The following PARD3 variants were observed in gnomAD, a reference collection of about 807,000 sequenced individuals.
PARD3 encodes the protein partitioning defective 3 homolog.
In PARD3, 75 loss-of-function variants were observed where a neutral mutation model predicts 155.4. The observed-to-expected ratio is 0.48, with a 90% confidence interval of 0.40 to 0.58. The LOEUF is 0.58. Ranked by LOEUF, PARD3 falls within the 20% of genes least tolerant of loss-of-function variation. The pLI is 0.00. For synonymous variants in PARD3, 576 were observed against 610.5 expected (o/e 0.94, Z 0.83); for missense variants, 1,642 against 1,721.7 (o/e 0.95, Z 0.82).
chr10:34,381,117 A>T (rs1188818829), intron 9 of PARD3, among the ~76,000 whole-genome samples: 1 of 152,210 alleles, frequency 6.6e-6, no homozygotes, highest in Non-Finnish European at 1.5e-5. Flanking sequence ...AGGTTCACAT[A>T]AAGTTCACTG....
intron 2 of PARD3, among the ~76,000 whole-genome samples, chr10:34,531,035 T>C (rs1469154057): frequency 1.3e-5 from 2 of 152,330 alleles, no homozygotes; most frequent in South Asian, 2.1e-4. Context: ...GGCCTTTATG[T>C]TGTGCAATCA....
At chr10:34,458,308 T>G (rs757077436) in intron 4 of PARD3, among the ~76,000 whole-genome samples, 18 of 152,118 alleles carry the variant, frequency 1.2e-4, no homozygotes, top group Admixed American at 4.6e-4. Flanking sequence ...GCTCAAGTGA[T>G]CCTCCCACCT....
At chr10:34,144,198 A>C (rs1171263530) in intron 22 of PARD3, among the ~76,000 whole-genome samples, 1 of 151,018 alleles carries the variant, frequency 6.6e-6, no homozygotes, top group East Asian at 1.9e-4. Flanking sequence ...TGTCAATTAC[A>C]TTTTTTTTTC....
chr10:34,773,180 T>C (rs891130007), intron 1 of PARD3, among the ~76,000 whole-genome samples: 10 of 152,206 alleles, frequency 6.6e-5, no homozygotes, highest in Non-Finnish European at 4.4e-5. Flanking sequence ...AAAGAGAAAA[T>C]ACATCTATAA....
At position 34,326,688 on chromosome 10, in the gene PARD3, A is replaced by C. The variant is rs895788145; in HGVS notation, c.2833+4429T>G. The stretch of plus-strand genomic sequence containing the variant: ...TTCATAGCTAATAAAACAATAACAA[A>C]ATTCCCCTAGAAGCTCTCATATTAG... On this transcript the variant is annotated intron_variant, in intron 19 of 24. Coordinates refer to ENST00000374788, the MANE Select transcript of PARD3 (RefSeq NM_001184785.2). 5.9e-5 allele frequency among the ~76,000 whole-genome samples: 9 copies of C among 152,338 alleles called. No individual in the cohort carries two copies. The South Asian group carries it at 1.4e-3, about 25-fold the overall frequency.
chr10:34,718,779 A>G (rs1053618464), intron 1 of PARD3, among the ~76,000 whole-genome samples: 3 of 152,180 alleles, frequency 2.0e-5, no homozygotes, highest in East Asian at 1.9e-4. Flanking sequence ...CCTGACCAAC[A>G]TGGTGAAACC....
chr10:34,362,387 A>AT (rs1839534521), intron 12 of PARD3, among the ~76,000 whole-genome samples: 1 of 152,238 alleles, frequency 6.6e-6, no homozygotes, highest in Admixed American at 6.5e-5. Context: ...AAAAGATCAA[A>AT]TATATCAAAT....
At chr10:34,530,815 A>G (rs2082794894) in intron 2 of PARD3, among the ~76,000 whole-genome samples, 2 of 152,204 alleles carry the variant, frequency 1.3e-5, no homozygotes, top group African/African-American at 2.4e-5. Context: ...TACTGTGTGT[A>G]ATGAGCCTTA....
intron 22 of PARD3, among the ~76,000 whole-genome samples, chr10:34,254,173 C>A (rs186267700): frequency 4.4e-4 from 67 of 152,120 alleles, no homozygotes; most frequent in African/African-American, 1.3e-3. Flanking sequence ...CAAGATCAGG[C>A]GTTCGAGACC....
chr10:34,318,487 A>G (rs1281133138), intron 19 of PARD3, among the ~76,000 whole-genome samples: 1 of 152,214 alleles, frequency 6.6e-6, no homozygotes, highest in Non-Finnish European at 1.5e-5. Context: ...ACTTTTGCAA[A>G]GAACTGACCT....
rs190427432 is a variant in PARD3, at chr10:34,684,005, G to C, written c.222+12313C>G. Among the ~76,000 whole-genome samples, 5 of 152,262 alleles carry C rather than the reference G, an allele frequency of 3.3e-5. No homozygotes were observed. The East Asian group carries it at 7.7e-4, about 24-fold the overall frequency. ...ACTCTAAAATAAGCTCACTTAGGAGGAAATGAATAAAGTCATCTAGTTAAT... is the reference window on the plus strand; with the variant it reads ...ACTCTAAAATAAGCTCACTTAGGAGCAAATGAATAAAGTCATCTAGTTAAT... On this transcript the variant is annotated intron_variant, in intron 2 of 24. Coordinates refer to ENST00000374788, the MANE Select transcript of PARD3 (RefSeq NM_001184785.2).
chr10:34,596,197 T>C (rs999238751), intron 2 of PARD3, among the ~76,000 whole-genome samples: 4 of 152,004 alleles, frequency 2.6e-5, no homozygotes, highest in Admixed American at 2.6e-4. Flanking sequence ...TTGGGAGCAC[T>C]CAAGTTTGTA....
chr10:34,326,172 A>C (rs1157355643), intron 19 of PARD3, among the ~76,000 whole-genome samples: 1 of 152,098 alleles, frequency 6.6e-6, no homozygotes, highest in Non-Finnish European at 1.5e-5. Context: ...CTATCATTCA[A>C]AACACTTCAG....
At chr10:34,624,668 T>C (rs1234471441) in intron 2 of PARD3, among the ~76,000 whole-genome samples, 2 of 152,188 alleles carry the variant, frequency 1.3e-5, no homozygotes, top group Admixed American at 1.3e-4. Context: ...AGGAGGATGA[T>C]GGTGGAGAGG....
intron 18 of PARD3, among the ~76,000 whole-genome samples, chr10:34,335,969 T>C (rs576072263): frequency 3.4e-4 from 52 of 152,230 alleles, no homozygotes; most frequent in African/African-American, 1.3e-3. Flanking sequence ...AGGTTGTTTC[T>C]AGCCTTTTTG....
chr10:34,334,767 G>C (rs950326738), intron 18 of PARD3, among the ~76,000 whole-genome samples: 1 of 149,572 alleles, frequency 6.7e-6, no homozygotes, highest in Non-Finnish European at 1.5e-5. Context: ...TTTTTCTCTA[G>C]AATCTAGCAC....
At chr10:34,555,035 T>C (rs1462477395) in intron 2 of PARD3, among the ~76,000 whole-genome samples, 1 of 152,238 alleles carries the variant, frequency 6.6e-6, no homozygotes, top group African/African-American at 2.4e-5. Flanking sequence ...TGTCTGATAC[T>C]GTAATGGGGT....
At chr10:34,180,495 T>C (rs896743565) in intron 22 of PARD3, among the ~76,000 whole-genome samples, 1 of 152,174 alleles carries the variant, frequency 6.6e-6, no homozygotes, top group Non-Finnish European at 1.5e-5. Context: ...TTGAGTGGGT[T>C]TGAGACACCA....
intron 1 of PARD3, among the ~76,000 whole-genome samples, chr10:34,758,707 C>T (rs1837053670): frequency 6.6e-6 from 1 of 152,188 alleles, no homozygotes; most frequent in African/African-American, 2.4e-5. Context: ...TTTCACTTTA[C>T]TCATTCACAG....
Sources: allele counts gnomAD v4.1 joint callset (sites outside exome capture counted in the v4.1 genomes callset), GRCh38; gene constraint gnomAD v4.1.1; transcripts MANE v1.5; gene names NCBI Gene and HGNC (gene_info 2026-07-23, HGNC 2026-07-21).